SERPINB6: variants seen among roughly 807,000 people sequenced by gnomAD.
The protein encoded by SERPINB6 is serpin B6.
In SERPINB6, 16 loss-of-function variants were observed where a neutral mutation model predicts 26.1. That is an observed-to-expected ratio of 0.61 (90% CI 0.42 to 0.93). SERPINB6 has a LOEUF of 0.93. Among genes scored for constraint, SERPINB6 ranks in the 40% least tolerant of loss-of-function variants. SERPINB6 has a pLI of 0.00. For missense variants in SERPINB6, 420 were observed against 478.0 expected (o/e 0.88, Z 1.13); for synonymous variants, 174 against 176.6 (o/e 0.99, Z 0.11).
intron 1 of SERPINB6, chr6:2,969,775 T>TGA (rs1771959333): frequency 1.6e-5 from 16 of 983,168 alleles, no homozygotes; most frequent in Admixed American, 6.2e-5. Context: ...TGTATGTGTG[T>TGA]GTGTGTGTGT....
intron 1 of SERPINB6, chr6:2,970,024 C>T (rs1771986072): frequency 1.1e-6 from 1 of 947,246 alleles, no homozygotes; most frequent in African/African-American, 1.9e-5. Context: ...AGGTTGCAGT[C>T]AGCCGAAATC....
At chr6:2,969,179 A>G in intron 1 of SERPINB6, 1 of 990,404 alleles carries the variant, frequency 1.0e-6, no homozygotes, top group Middle Eastern at 5.1e-4. Flanking sequence ...AATTATAAAC[A>G]ATCTAGTGAG....
chr6:2,960,015 C>G (rs1023170366), intron 1 of SERPINB6: 1 of 164,088 alleles, frequency 6.1e-6, no homozygotes, highest in Non-Finnish European at 1.3e-5. Flanking sequence ...TCACAGCACA[C>G]TCAGGACACC....
At chr6:2,959,112 A>G in intron 2 of SERPINB6, 56 bp downstream of exon 2, 1 of 1,604,472 alleles carries the variant, frequency 6.2e-7, no homozygotes, top group Non-Finnish European at 8.5e-7. Context: ...GATTTGGAAT[A>G]AGGAGGACCA....
intron 1 of SERPINB6, among the ~76,000 whole-genome samples, chr6:2,964,191 A>G (rs1004045706): frequency 6.6e-6 from 1 of 152,242 alleles, no homozygotes. Context: ...GAATTATGTC[A>G]AAAATAAAAG....
intron 1 of SERPINB6, chr6:2,971,219 G>C: frequency 2.1e-6 from 2 of 975,174 alleles, no homozygotes; most frequent in Non-Finnish European, 2.4e-6. Flanking sequence ...CGGCGTCACC[G>C]GCCGGGCTCG....
Position 2,954,652 on chromosome 6 carries a change from TA to T in SERPINB6, c.369del (p.Phe123LeufsTer5). The T allele has an allele frequency of 6.2e-7, 1 of 1,614,110 alleles. No individual in the cohort carries two copies. Among genetic ancestry groups the T allele is most frequent in the Non-Finnish European group, 8.5e-7 (1 of 1,180,022 alleles). On this transcript the variant is annotated frameshift_variant, in exon 4 of 7. Transcript: ENST00000380539. LOFTEE classifies it high-confidence loss of function. ...FYQAEMEELDFISAVEKSRKH... is the reference protein window; with the variant it reads ...FYQAEMEELDXISAVEKSRKH... Reference sequence around the variant, plus strand: ...TTTCTGGACTTCTCTACGGCGCTGATAAAGTCAAGCTCCTCCATCTCTGCTT... The same window carrying T: ...TTTCTGGACTTCTCTACGGCGCTGATAAGTCAAGCTCCTCCATCTCTGCTT...
In SERPINB6 at chr6:2,948,488, T is replaced by C. The variant is rs876657582; in HGVS notation, c.941A>G (p.Lys314Arg). The C allele has an allele frequency of 6.2e-7, 1 of 1,614,158 alleles. No individual in the cohort carries two copies. Among genetic ancestry groups the C allele is most frequent in the Non-Finnish European group, 8.5e-7 (1 of 1,180,018 alleles). ...CTCCACAAAAGACTTGTGCACGACC[T>C]TGGACAGAGACAGGTCTGTCTGGGA... ...GMSQTDLSLSKVVHKSFVEVN... is the reference protein window; with the variant it reads ...GMSQTDLSLSRVVHKSFVEVN... Residue 314 changes from lysine to arginine, a missense_variant, in exon 7 of 7, where the codon AAG (lysine) becomes AGG (arginine). Physicochemically the swap from Lys to Arg is conservative, Grantham distance 26. Coordinates refer to ENST00000380539, the MANE Select transcript of SERPINB6 (RefSeq NM_004568.6). This position sits in a 1 kb window ranked among gnomAD's most constrained non-coding sequence, Gnocchi z 5.0.
At chr6:2,964,682 A>G (rs557320640) in intron 1 of SERPINB6, among the ~76,000 whole-genome samples, 1 of 152,352 alleles carries the variant, frequency 6.6e-6, no homozygotes, top group East Asian at 1.9e-4. Context: ...GAGATGTTAT[A>G]AAAGACAACA....
At position 2,959,373 on chromosome 6, in the gene SERPINB6, A is replaced by C. The variant is rs375365980; in HGVS notation, c.-10-31T>G. Reference sequence around the variant, plus strand: ...ACAAGATTTAAAATCAGTATCACTTAAGCACAGCTTCCACGCGACTGCATC... The same window carrying C: ...ACAAGATTTAAAATCAGTATCACTTCAGCACAGCTTCCACGCGACTGCATC... On this transcript the variant is annotated intron_variant, in intron 1 of 6. Coordinates refer to ENST00000380539, the MANE Select transcript of SERPINB6 (RefSeq NM_004568.6). The C allele has an allele frequency of 1.4e-4, 220 of 1,610,270 alleles. No individual in the cohort carries two copies. In the African/African-American group the frequency reaches 1.5e-3, roughly 11 times the overall value.
chr6:2,956,338 C>G (rs913338405), intron 2 of SERPINB6: 1 of 153,476 alleles, frequency 6.5e-6, no homozygotes, highest in Non-Finnish European at 1.5e-5. Flanking sequence ...ACTAATGATA[C>G]AGTAGGTAGA....
At chr6:2,953,237 C>T (rs751743079) in intron 4 of SERPINB6, 51 bp from the exon 5 acceptor site, 8 of 1,612,668 alleles carry the variant, frequency 5.0e-6, no homozygotes, top group Non-Finnish European at 5.1e-6. Context: ...TGCGGATCCC[C>T]GACACATCAG....
intron 1 of SERPINB6, among the ~76,000 whole-genome samples, chr6:2,966,126 C>G (rs1260062073): frequency 6.6e-6 from 1 of 152,086 alleles, no homozygotes; most frequent in Non-Finnish European, 1.5e-5. Context: ...ATGTTTAGGC[C>G]TTTAAGTTGG....
At chr6:2,959,081 C>G (rs1381141722) in intron 2 of SERPINB6, 87 bp downstream of exon 2, 1 of 1,544,862 alleles carries the variant, frequency 6.5e-7, no homozygotes, top group East Asian at 2.2e-5. Context: ...CACAGTCATC[C>G]GTCTCGAGCG....
intron 2 of SERPINB6, 147 bp downstream of exon 2, chr6:2,959,021 G>A (rs1770800880): frequency 2.0e-5 from 21 of 1,052,650 alleles, no homozygotes; most frequent in Non-Finnish European, 2.7e-5. Context: ...GCTCCAGCAT[G>A]GGTGGCATGC....
intron 1 of SERPINB6, among the ~76,000 whole-genome samples, chr6:2,961,624 G>A (rs576014041): frequency 1.3e-5 from 2 of 152,296 alleles, no homozygotes; most frequent in South Asian, 2.1e-4. Flanking sequence ...TGTGAAGTCC[G>A]TGTCTCAGGA....
intron 5 of SERPINB6, among the ~76,000 whole-genome samples, chr6:2,951,058 G>A (rs1407771227): frequency 4.6e-5 from 7 of 152,158 alleles, no homozygotes; most frequent in Middle Eastern, 3.2e-3. Flanking sequence ...CCGTCACAAC[G>A]ACTCAGCTGT....
At chr6:2,953,622 G>A (rs1174629107) in intron 4 of SERPINB6, among the ~76,000 whole-genome samples, 1 of 152,160 alleles carries the variant, frequency 6.6e-6, no homozygotes, top group Non-Finnish European at 1.5e-5. Flanking sequence ...CTTGAGGCCA[G>A]GAGTTTGAGA....
chr6:2,959,278 G>A lies in SERPINB6; in HGVS notation c.55C>T (p.Leu19=). 2 of 1,614,178 alleles carry A rather than the reference G, an allele frequency of 1.2e-6. No homozygotes were observed. Among genetic ancestry groups the A allele is most frequent in the Non-Finnish European group, 1.7e-6 (2 of 1,180,044 alleles). ...ACATTCTTCGAGTTGTCTTTACCCAGCGTTTTCAAAAGGTTTAAGGCAAAG... is the reference window on the plus strand; with the variant it reads ...ACATTCTTCGAGTTGTCTTTACCCAACGTTTTCAAAAGGTTTAAGGCAAAG... ...GTFALNLLKT[L]GKDNSKNVFF... The change falls in exon 2 of 7, where the codon CTG becomes TTG. Residue 19 remains leucine (L), a synonymous_variant. Coordinates refer to ENST00000380539, the MANE Select transcript of SERPINB6 (RefSeq NM_004568.6).
Sources: allele counts gnomAD v4.1 joint callset (sites outside exome capture counted in the v4.1 genomes callset), GRCh38; gene constraint gnomAD v4.1.1; non-coding constraint Gnocchi (gnomAD v3.1); transcripts MANE v1.5; gene names NCBI Gene and HGNC (gene_info 2026-07-23, HGNC 2026-07-21).